The following ADAMTS9 variants were observed in gnomAD, a reference collection of about 807,000 sequenced individuals.
ADAMTS9 encodes the protein A disintegrin and metalloproteinase with thrombospondin motifs 9.
Under a neutral mutation model 257.1 loss-of-function variants are expected in ADAMTS9, and 107 were observed. The ratio of observed to expected loss-of-function variants is 0.42; its 90% CI spans 0.36 to 0.49. The LOEUF is 0.49. Among genes scored for constraint, ADAMTS9 ranks in the 20% least tolerant of loss-of-function variants. ADAMTS9 has a pLI of 0.03. For synonymous variants in ADAMTS9, 982 were observed against 880.9 expected, an observed-to-expected ratio of 1.11 and a Z score of -2.03; for missense variants, 2,353 against 2,469.1, an observed-to-expected ratio of 0.95 and a Z score of 1.00.
intron 10 of ADAMTS9, 136 bp from the exon 11 acceptor site, chr3:64,648,180 G>C (rs748093754): frequency 1.3e-6 from 1 of 765,630 alleles, no homozygotes; most frequent in Non-Finnish European, 2.1e-6. Context: ...TTCTTGGTAT[G>C]ATAAATGCTA....
At chr3:64,569,163 C>A (rs2083615733) in intron 28 of ADAMTS9, 1 of 152,168 alleles carries the variant, frequency 6.6e-6, no homozygotes. Flanking sequence ...CTTGTCTGAC[C>A]ACATCTGAGA....
At chr3:64,652,541 G>A (rs1700955612) in intron 8 of ADAMTS9, among the ~76,000 whole-genome samples, 1 of 152,040 alleles carries the variant, frequency 6.6e-6, no homozygotes, top group South Asian at 2.1e-4. Flanking sequence ...ATCCCCAGAT[G>A]AGGTTTATTC....
At position 64,535,052 on chromosome 3, in the gene ADAMTS9, G is replaced by A. The variant is rs951224960; in HGVS notation, c.5614-1782C>T. ...AGACAGAAGGCACAATGCACGTCACGCATTACCTGGCAGACAGTAGGTAAT... is the reference window on the plus strand; with the variant it reads ...AGACAGAAGGCACAATGCACGTCACACATTACCTGGCAGACAGTAGGTAAT... On this transcript the variant is annotated intron_variant, in intron 37 of 39. Transcript: ENST00000498707. Among the ~76,000 whole-genome samples, 24 of 152,132 alleles carry A rather than the reference G, an allele frequency of 1.6e-4. 1 individual carries two copies. Among genetic ancestry groups the A allele is most frequent in the Admixed American group, 1.5e-3 (23 of 15,258 alleles).
At chr3:64,685,821 C>T (rs1468393524) in intron 2 of ADAMTS9, among the ~76,000 whole-genome samples, 1 of 152,130 alleles carries the variant, frequency 6.6e-6, no homozygotes, top group African/African-American at 2.4e-5. Context: ...TCCGGACAGC[C>T]TCTCCAGGCT....
chr3:64,552,895 T>C (rs1029061289), intron 30 of ADAMTS9, among the ~76,000 whole-genome samples: 8 of 152,194 alleles, frequency 5.3e-5, no homozygotes, highest in African/African-American at 1.9e-4. Flanking sequence ...TTAGTCTCTT[T>C]ACGGAGAACT....
Position 64,687,540 on chromosome 3 carries a change from T to G in ADAMTS9, c.115+3A>C. 1 of 1,531,316 alleles carries G rather than the reference T, an allele frequency of 6.5e-7. No individual in the cohort carries two copies. Among genetic ancestry groups the G allele is most frequent in the Non-Finnish European group, 8.8e-7 (1 of 1,135,878 alleles). The allele number at this position is 1,531,316 out of a possible 1,614,324, so 94.9% of individuals were successfully genotyped here. On this transcript the variant is annotated splice_donor_region_variant and intron_variant, in intron 1 of 39. Coordinates refer to ENST00000498707, the MANE Select transcript of ADAMTS9 (RefSeq NM_182920.2). The surrounding 1 kb of genome is among the most constrained non-coding windows in gnomAD (Gnocchi z 4.4). Reference sequence around the variant, plus strand: ...GGGGTCCCGGGGGCCGGAGCCTGGTTACCTTGCCTCGGGTGCAGCCTGTCC... The same window carrying G: ...GGGGTCCCGGGGGCCGGAGCCTGGTGACCTTGCCTCGGGTGCAGCCTGTCC...
intron 28 of ADAMTS9, among the ~76,000 whole-genome samples, chr3:64,586,331 T>C (rs998020801): frequency 1.8e-4 from 28 of 152,064 alleles, no homozygotes; most frequent in African/African-American, 6.3e-4. Context: ...AGGAAACACA[T>C]TGTGTGACAA....
At chr3:64,525,703 C>T (rs906682002) in intron 38 of ADAMTS9, among the ~76,000 whole-genome samples, 26 of 151,836 alleles carry the variant, frequency 1.7e-4, no homozygotes, top group Non-Finnish European at 3.1e-4. Flanking sequence ...CTCCACCTCC[C>T]GGGTTCAAGC....
At position 64,550,928 on chromosome 3, in the gene ADAMTS9, G is replaced by A. The variant is rs943060866; in HGVS notation, c.4833C>T (p.Pro1611=). 3.1e-6 allele frequency: 5 copies of A among 1,614,160 alleles called. No homozygotes were observed. Among genetic ancestry groups the A allele is most frequent in the Non-Finnish European group, 4.2e-6 (5 of 1,180,014 alleles). Residue 1611 remains proline, a synonymous_variant, in exon 31 of 40, where the codon CCC becomes CCT. Coordinates refer to ENST00000498707, the MANE Select transcript of ADAMTS9 (RefSeq NM_182920.2). ...PVDRESCSLQ[P]CEYVWITGEW... Reference sequence around the variant, plus strand: ...CTCCTGTGATCCAGACATACTCGCAGGGTTGCAAACTACAGCTTTCACGGT... The same window carrying A: ...CTCCTGTGATCCAGACATACTCGCAAGGTTGCAAACTACAGCTTTCACGGT...
At chr3:64,645,689 G>A (rs1049961012) in intron 11 of ADAMTS9, among the ~76,000 whole-genome samples, 4 of 152,092 alleles carry the variant, frequency 2.6e-5, no homozygotes, top group African/African-American at 9.7e-5. Flanking sequence ...TGCTAGACAT[G>A]GCCACTTTTC....
intron 26 of ADAMTS9, among the ~76,000 whole-genome samples, chr3:64,597,334 G>C (rs750453151): frequency 8.5e-5 from 13 of 152,152 alleles, no homozygotes; most frequent in African/African-American, 3.1e-4. Context: ...TGATGGACAC[G>C]ACAGTTAATT....
chr3:64,541,701 C>T (rs1156476284), intron 33 of ADAMTS9, 81 bp from the exon 34 acceptor site: 3 of 1,551,230 alleles, frequency 1.9e-6, no homozygotes, highest in African/African-American at 2.7e-5. Context: ...TGACATTGTT[C>T]GCACTAAAAC....
intron 3 of ADAMTS9, among the ~76,000 whole-genome samples, chr3:64,670,880 T>G (rs1701469620): frequency 6.6e-6 from 1 of 152,192 alleles, no homozygotes; most frequent in African/African-American, 2.4e-5. Flanking sequence ...CAACAAAATG[T>G]TGACAATACC....
intron 16 of ADAMTS9, among the ~76,000 whole-genome samples, chr3:64,623,001 C>A (rs141667867): frequency 6.6e-6 from 1 of 152,284 alleles, no homozygotes; most frequent in African/African-American, 2.4e-5. Context: ...TCTATATATA[C>A]TAGAATTAGT....
In ADAMTS9 at chr3:64,561,723, T is replaced by C. The variant is rs1459621007; in HGVS notation, c.4553A>G (p.Gln1518Arg). The change falls in exon 30 of 40, where the codon CAG becomes CGG. Residue 1518 changes from glutamine to arginine, a missense_variant. By Grantham distance (43) the Gln-to-Arg change is conservative. This residue lies in a region of ADAMTS9 where 1,402 missense variants were observed against 1,441.4 expected (regional missense o/e 0.97). Transcript: ENST00000498707. ...QCSVSCGRGV[Q>R]QRHVGCQIGT... ...GATCTGACAGCCCACATGCCTCTGC[T>C]GTACGCCTCGGCCACAGGACACAGA... The C allele has an allele frequency of 6.2e-7, 1 of 1,611,908 alleles. No individual in the cohort carries two copies. The highest frequency in any genetic ancestry group is 1.3e-5 in the African/African-American group (1 of 74,320).
At chr3:64,600,238 T>C (rs2084434553) in intron 26 of ADAMTS9, among the ~76,000 whole-genome samples, 1 of 152,144 alleles carries the variant, frequency 6.6e-6, no homozygotes, top group Non-Finnish European at 1.5e-5. Context: ...CATGTACAGT[T>C]TGTGTACCAT....
intron 11 of ADAMTS9, among the ~76,000 whole-genome samples, chr3:64,643,785 G>C (rs1379939630): frequency 1.3e-5 from 2 of 151,256 alleles, no homozygotes; most frequent in East Asian, 3.9e-4. Flanking sequence ...ATTTTTTAAT[G>C]CTTTTTTTTT....
At chr3:64,538,615 C>G (rs2083080422) in intron 37 of ADAMTS9, among the ~76,000 whole-genome samples, 1 of 152,000 alleles carries the variant, frequency 6.6e-6, no homozygotes, top group African/African-American at 2.4e-5. Flanking sequence ...TTTTTTCTGT[C>G]TAATCCATGT....
intron 29 of ADAMTS9, chr3:64,563,239 A>G (rs1389102504): frequency 6.6e-6 from 1 of 152,222 alleles, no homozygotes; most frequent in African/African-American, 2.4e-5. Context: ...ACACTGGAAA[A>G]GAATGTACTG....
Sources: gnomAD v4.1 joint callset for allele counts (sites outside exome capture counted in the v4.1 genomes callset) on GRCh38, gnomAD v4.1.1 for gene constraint, gnomAD v4.1.1 regional missense constraint, Gnocchi (gnomAD v3.1) non-coding constraint, MANE v1.5 for transcripts, NCBI Gene and HGNC (gene_info 2026-07-23, HGNC 2026-07-21) for gene names.